Variants in PIEZO2 observed in about 807,000 individuals in gnomAD.
The protein encoded by PIEZO2 is piezo type mechanosensitive ion channel component 2, also known as piezo-type mechanosensitive ion channel component 2.
In PIEZO2, 172 loss-of-function variants were observed where a neutral mutation model predicts 337.3. The ratio of observed to expected loss-of-function variants is 0.51; its 90% confidence interval spans 0.45 to 0.58. The LOEUF is 0.58. PIEZO2 is among the 20% of genes least tolerant of loss of function. PIEZO2 has a pLI of 0.00. For missense variants in PIEZO2, 3,028 were observed against 3,391.3 expected (o/e 0.89, Z 2.66); for synonymous variants, 1,251 against 1,228.5 (o/e 1.02, Z -0.38).
In PIEZO2 at chr18:11,002,110, C is replaced by T. The variant is rs149135423; in HGVS notation, c.161-22450G>A. The stretch of plus-strand genomic sequence containing the variant: ...CTGTAGCAAATAGCCATAGAAAATA[C>T]ATGGACGAATTAATAATGATTATAG... On this transcript the variant is annotated intron_variant, in intron 2 of 55. Coordinates refer to ENST00000674853, the MANE Select transcript of PIEZO2 (RefSeq NM_001378183.1). This position sits in a 1 kb window ranked among gnomAD's most constrained non-coding sequence, Gnocchi z 4.3. Among the ~76,000 whole-genome samples, 402 of 152,290 alleles carry T rather than the reference C, an allele frequency of 2.6e-3. 5 individuals are homozygous for T. The highest frequency in any genetic ancestry group is 8.7e-3 in the African/African-American group (363 of 41,562).
In PIEZO2 at chr18:10,707,161, A is replaced by C. The variant is rs1363290944; in HGVS notation, c.5588+1114T>G. On this transcript the variant is annotated intron_variant, in intron 40 of 55. Transcript: ENST00000674853. This position sits in a 1 kb window ranked among gnomAD's most constrained non-coding sequence, Gnocchi z 4.2. The stretch of plus-strand genomic sequence containing the variant: ...GCTAAGACTTACCTCAATTAGATAT[A>C]CTTCCTAGGAGGGCCATGCCATTGA... 6.6e-6 allele frequency among the ~76,000 whole-genome samples: 1 copy of C among 151,946 alleles called. No homozygotes were observed. The highest frequency in any genetic ancestry group is 2.4e-5 in the African/African-American group (1 of 41,374).
At chr18:10,977,985 T>C (rs1041619155) in intron 3 of PIEZO2, among the ~76,000 whole-genome samples, 1 of 152,074 alleles carries the variant, frequency 6.6e-6, no homozygotes, top group African/African-American at 2.4e-5. Context: ...TGCTTTGGAA[T>C]TAGACAGTGG....
At chr18:11,067,045 T>A (rs548273854) in intron 1 of PIEZO2, among the ~76,000 whole-genome samples, 2 of 151,908 alleles carry the variant, frequency 1.3e-5, no homozygotes, top group Non-Finnish European at 2.9e-5. Flanking sequence ...AAGTACAAAA[T>A]CGAAGCATAC....
chr18:10,731,285 T>C (rs947781369), intron 36 of PIEZO2, 122 bp downstream of exon 36: 2 of 539,430 alleles, frequency 3.7e-6, no homozygotes, highest in African/African-American at 1.9e-5. Context: ...ATTAAAACTG[T>C]TGGCATTCTT....
In PIEZO2 at chr18:11,016,494, G is replaced by C. The variant is rs996265946; in HGVS notation, c.161-36834C>G. On this transcript the variant is annotated intron_variant, in intron 2 of 55. Transcript: ENST00000674853. This position sits in a 1 kb window ranked among gnomAD's most constrained non-coding sequence, Gnocchi z 5.6. Reference sequence around the variant, plus strand: ...AACCCCCTGCAAAGGGTGGGTATGAGGGGGGTCGGGTTAAGCGGCTTAACA... The same window carrying C: ...AACCCCCTGCAAAGGGTGGGTATGACGGGGGTCGGGTTAAGCGGCTTAACA... Among the ~76,000 whole-genome samples, 1 of 152,202 alleles carries C rather than the reference G, an allele frequency of 6.6e-6. No homozygotes were observed. Among genetic ancestry groups the C allele is most frequent in the South Asian group, 2.1e-4 (1 of 4,828 alleles).
rs2039768475 is a variant in PIEZO2 at position 10,800,398 on chromosome 18, A to G, written c.1317T>C (p.Pro439=). The G allele has an allele frequency of 1.1e-5, 17 of 1,536,200 alleles. No homozygotes were observed. The highest frequency in any genetic ancestry group is 1.5e-5 in the Non-Finnish European group (17 of 1,146,416). Residue 439 remains proline (P), a synonymous_variant, in exon 11 of 56, where the codon CCT becomes CCC. Coordinates refer to ENST00000674853, the MANE Select transcript of PIEZO2 (RefSeq NM_001378183.1). ...IHPSLPMENG[P]GKADLYSTPQ... ...GGGTGGAGTAGAGGTCGGCTTTGCC[A>G]GGGCCGTTCTCCATGGGCAGGCTTG...
chr18:10,976,345 A>G (rs1217304126), intron 3 of PIEZO2, among the ~76,000 whole-genome samples: 1 of 152,238 alleles, frequency 6.6e-6, no homozygotes, highest in East Asian at 1.9e-4. Context: ...GATTACAGGC[A>G]TCACTAGTTT....
rs148906544 is a variant in PIEZO2 at position 10,792,420 on chromosome 18, G to C, written c.1759-1096C>G. Among the ~76,000 whole-genome samples the C allele has an allele frequency of 3.7e-3, 567 of 152,254 alleles. 2 individuals carry two copies. Among genetic ancestry groups the C allele is most frequent in the Middle Eastern group, 6.8e-3 (2 of 294 alleles). On this transcript the variant is annotated intron_variant, in intron 13 of 55. Coordinates refer to ENST00000674853, the MANE Select transcript of PIEZO2 (RefSeq NM_001378183.1). ...ATCAACCCTGTGTAAGAAGCCCCACGACAGTTGCTTCCTTTTCTCCCTATC... is the reference window on the plus strand; with the variant it reads ...ATCAACCCTGTGTAAGAAGCCCCACCACAGTTGCTTCCTTTTCTCCCTATC...
chr18:10,880,788 C>T (rs1325785817), intron 4 of PIEZO2, among the ~76,000 whole-genome samples: 1 of 135,604 alleles, frequency 7.4e-6, no homozygotes, highest in Non-Finnish European at 1.5e-5. Flanking sequence ...AGACAAATAG[C>T]AAAAACTCAA....
At chr18:10,827,700 A>C (rs2144513343) in intron 7 of PIEZO2, among the ~76,000 whole-genome samples, 1 of 152,296 alleles carries the variant, frequency 6.6e-6, no homozygotes, top group Non-Finnish European at 1.5e-5. Context: ...ATCGTCTTTC[A>C]ATCATTTCAA....
rs558688655 is a variant in PIEZO2 at position 10,952,639 on chromosome 18, C to A, written c.286+26896G>T. The stretch of plus-strand genomic sequence containing the variant: ...TCCAGTTGGGGCAATGACGAATAAA[C>A]CTGCTTTAAACATTTGCTTAAAATT... On this transcript the variant is annotated intron_variant, in intron 3 of 55. Transcript: ENST00000674853. This position sits in a 1 kb window ranked among gnomAD's most constrained non-coding sequence, Gnocchi z 4.1. Among the ~76,000 whole-genome samples the A allele has an allele frequency of 9.9e-5, 15 of 152,278 alleles. No homozygotes were observed. Among genetic ancestry groups the A allele is most frequent in the African/African-American group, 3.4e-4 (14 of 41,554 alleles).
Position 10,794,778 on chromosome 18 carries a change from A to G in PIEZO2, c.1752T>C (p.Ala584=). The G allele has an allele frequency of 6.5e-7, 1 of 1,527,542 alleles. No individual in the cohort carries two copies. The allele number at this position is 1,527,542 out of a possible 1,614,324, so 94.6% of individuals were successfully genotyped here. A position where few individuals can be genotyped will look rare whatever the true frequency, so the allele number is the denominator to read the frequency against. Residue 584 remains alanine (A), a synonymous_variant, in exon 13 of 56, where the codon GCT becomes GCC. Coordinates refer to ENST00000674853, the MANE Select transcript of PIEZO2 (RefSeq NM_001378183.1). This position sits in a 1 kb window ranked among gnomAD's most constrained non-coding sequence, Gnocchi z 6.6. ...TTGTATTCTATTCACTTACTTTGGA[A>G]GCAAGTTCTCCTGGCTCTTTCTTTT... ...FLEKKEPGEL[A]SKILFTITFW...
rs772408470 is a variant in PIEZO2 at position 10,759,494 on chromosome 18, C to A, written c.3745G>T (p.Val1249Leu). ...FPDFIVRPNP[V>L]FLVYDFMLLL... ...TGGAAACACTTACAGACGAGAAACA[C>A]AGGGTTGGGCCGCACAATGAAATCT... The change falls in exon 26 of 56, where the codon GTG (valine) becomes TTG (leucine). Residue 1249 changes from valine (V) to leucine (L), a missense_variant. Transcript: ENST00000674853. This position sits in a 1 kb window ranked among gnomAD's most constrained non-coding sequence, Gnocchi z 5.5. 5.2e-6 allele frequency: 8 copies of A among 1,536,884 alleles called. No homozygotes were observed. The highest frequency in any genetic ancestry group is 7.0e-6 in the Non-Finnish European group (8 of 1,146,776).
chr18:10,724,880 G>A lies in PIEZO2; in HGVS notation c.5029+6527C>T. ...AGTGAGAGCACCTACTCTGTAAATA[G>A]TACTGGCCGGCGGGGGCGTGGCACC... On this transcript the variant is annotated intron_variant, in intron 36 of 55. Coordinates refer to ENST00000674853, the MANE Select transcript of PIEZO2 (RefSeq NM_001378183.1). The surrounding 1 kb of genome is among the most constrained non-coding windows in gnomAD (Gnocchi z 5.8). The A allele has an allele frequency of 1.9e-6, 3 of 1,609,390 alleles. No homozygotes were observed. The highest frequency in any genetic ancestry group is 2.2e-5 in the East Asian group (1 of 44,812).
chr18:11,091,383 C>CAAAA (rs529307821), intron 1 of PIEZO2, among the ~76,000 whole-genome samples: 9 of 77,856 alleles, frequency 1.2e-4, no homozygotes, highest in Non-Finnish European at 2.3e-4. Context: ...GACTCCGTCT[C>CAAAA]AAAAAAAAAA....
intron 48 of PIEZO2, among the ~76,000 whole-genome samples, chr18:10,690,093 T>C (rs538203573): frequency 6.9e-6 from 1 of 144,284 alleles, no homozygotes; most frequent in African/African-American, 2.5e-5. Flanking sequence ...TTCTTTCACA[T>C]TTATTTGTTC....
At chr18:10,820,110 T>A (rs1320811353) in intron 7 of PIEZO2, among the ~76,000 whole-genome samples, 2 of 152,196 alleles carry the variant, frequency 1.3e-5, no homozygotes, top group Admixed American at 1.3e-4. Flanking sequence ...TTTTTCTCTA[T>A]CACTGATATT....
chr18:11,129,958 C>T lies in PIEZO2; in HGVS notation c.64+18567G>A, dbSNP rs546704374. On this transcript the variant is annotated intron_variant, in intron 1 of 55. Transcript: ENST00000674853. The surrounding 1 kb of genome is among the most constrained non-coding windows in gnomAD (Gnocchi z 4.6). ...TGCCAGAATGCATAATTGACATAGA[C>T]ATACTCAGCAGCTGGCAGAACCCCC... 6.6e-6 allele frequency among the ~76,000 whole-genome samples: 1 copy of T among 152,284 alleles called. No homozygotes were observed. Among genetic ancestry groups the T allele is most frequent in the African/African-American group, 2.4e-5 (1 of 41,562 alleles).
At position 11,064,363 on chromosome 18, in the gene PIEZO2, G is replaced by T. The variant is rs1598904766; in HGVS notation, c.160+1764C>A. Among the ~76,000 whole-genome samples the T allele has an allele frequency of 3.3e-5, 5 of 152,228 alleles. No homozygotes were observed. In the South Asian group the frequency reaches 1.0e-3, roughly 32 times the overall value. On this transcript the variant is annotated intron_variant, in intron 2 of 55. Coordinates refer to ENST00000674853, the MANE Select transcript of PIEZO2 (RefSeq NM_001378183.1). ...GCTTTCAGTTGCTCACTGGAAGGAT[G>T]TGTGTGGATTTTCCTTTCCAACTCC...
Sources: gnomAD v4.1 joint callset for allele counts (sites outside exome capture counted in the v4.1 genomes callset) on GRCh38, gnomAD v4.1.1 for gene constraint, Gnocchi (gnomAD v3.1) non-coding constraint, MANE v1.5 for transcripts, NCBI Gene and HGNC (gene_info 2026-07-23, HGNC 2026-07-21) for gene names.